Variants in DPYSL2 observed in about 807,000 individuals in gnomAD.
The protein encoded by DPYSL2 is dihydropyrimidinase like 2.
DPYSL2 carries 13 observed loss-of-function variants against 69.9 expected under a neutral mutation model. The ratio of observed to expected loss-of-function variants is 0.19; its 90% confidence interval spans 0.12 to 0.30. The LOEUF is 0.30. Ranked by LOEUF, DPYSL2 falls within the 10% of genes least tolerant of loss-of-function variation. The pLI is 1.00. For synonymous variants in DPYSL2, 326 were observed against 359.1 expected (o/e 0.91, Z 1.04); for missense variants, 587 against 918.9 (o/e 0.64, Z 4.67).
chr8:26,642,207 G>A lies in DPYSL2; in HGVS notation c.1127-1232G>A, dbSNP rs1803066305. Among the ~76,000 whole-genome samples the A allele has an allele frequency of 6.6e-6, 1 of 152,182 alleles. No homozygotes were observed. Among genetic ancestry groups the A allele is most frequent in the Non-Finnish European group, 1.5e-5 (1 of 68,032 alleles). On this transcript the variant is annotated intron_variant, in intron 8 of 13. Coordinates refer to ENST00000521913, the MANE Select transcript of DPYSL2 (RefSeq NM_001197293.3). The surrounding 1 kb of genome is among the most constrained non-coding windows in gnomAD (Gnocchi z 5.3). ...TTGGAGTGCCTACTATGTGCAGGCA[G>A]GTAAATGATCTTCAAGGTGTCTCCA...
chr8:26,579,660 C>G (rs548031299), intron 1 of DPYSL2, among the ~76,000 whole-genome samples: 1 of 152,044 alleles, frequency 6.6e-6, no homozygotes, highest in South Asian at 2.1e-4. Context: ...GGCGTGTGCT[C>G]GGAGGATTTT....
chr8:26,584,562 G>A (rs1163616812), intron 3 of DPYSL2, among the ~76,000 whole-genome samples: 1 of 151,102 alleles, frequency 6.6e-6, no homozygotes, highest in African/African-American at 2.4e-5. Flanking sequence ...TATGAAAATT[G>A]CTGACACCCA....
Position 26,514,565 on chromosome 8 carries a change from G to T in DPYSL2, c.240G>T (p.Pro80=). 2.6e-6 allele frequency: 4 copies of T among 1,527,232 alleles called. No individual in the cohort carries two copies. Among genetic ancestry groups the T allele is most frequent in the Non-Finnish European group, 3.5e-6 (4 of 1,142,672 alleles). 94.6% of individuals were successfully genotyped at this position (1,527,232 alleles called of 1,614,324 possible). ...CCCACTTGGGCCCGGACCCGCAGCC[G>T]CCGTACTCGCGGCAGGGCCGGCGCG... ...DVAHLGPDPQ[P]PYSRQGRRAG... Residue 80 remains proline, a synonymous_variant, in exon 1 of 14, where the codon CCG becomes CCT. Transcript: ENST00000521913. The surrounding 1 kb of genome is among the most constrained non-coding windows in gnomAD (Gnocchi z 8.4).
intron 8 of DPYSL2, among the ~76,000 whole-genome samples, chr8:26,639,053 A>G (rs1228839893): frequency 6.6e-6 from 1 of 152,146 alleles, no homozygotes; most frequent in Non-Finnish European, 1.5e-5. Flanking sequence ...AACATTCAGG[A>G]CATTAAACCC....
chr8:26,616,674 C>T (rs190498940), intron 3 of DPYSL2, among the ~76,000 whole-genome samples: 142 of 152,330 alleles, frequency 9.3e-4, no homozygotes, highest in Non-Finnish European at 1.8e-3. Flanking sequence ...CCCCTCCTTG[C>T]TTCAAGGGGC....
chr8:26,549,795 T>C (rs1024710732), intron 1 of DPYSL2, among the ~76,000 whole-genome samples: 4 of 152,282 alleles, frequency 2.6e-5, no homozygotes, highest in African/African-American at 9.6e-5. Flanking sequence ...AAAACACCAA[T>C]GTAGAATTTT....
At chr8:26,592,298 G>T (rs534162132) in intron 3 of DPYSL2, among the ~76,000 whole-genome samples, 1 of 152,180 alleles carries the variant, frequency 6.6e-6, no homozygotes, top group South Asian at 2.1e-4. Context: ...GACTGTAGGT[G>T]TGCACCACTA....
intron 1 of DPYSL2, among the ~76,000 whole-genome samples, chr8:26,559,583 T>A (rs1801041774): frequency 6.6e-6 from 1 of 152,194 alleles, no homozygotes; most frequent in African/African-American, 2.4e-5. Flanking sequence ...ATTTAATTTC[T>A]TTTTTTATGA....
intron 8 of DPYSL2, among the ~76,000 whole-genome samples, chr8:26,638,626 G>T (rs1802971497): frequency 1.3e-5 from 2 of 152,336 alleles, no homozygotes; most frequent in Non-Finnish European, 1.5e-5. Flanking sequence ...GGGGAGTGGT[G>T]TGTCATCAAC....
At chr8:26,522,772 A>G (rs1391821173) in intron 1 of DPYSL2, among the ~76,000 whole-genome samples, 1 of 152,196 alleles carries the variant, frequency 6.6e-6, no homozygotes, top group African/African-American at 2.4e-5. Context: ...TATAGTTTGC[A>G]GATATTTTCT....
At chr8:26,554,327 GA>G (rs1800911750) in intron 1 of DPYSL2, among the ~76,000 whole-genome samples, 1 of 150,510 alleles carries the variant, frequency 6.6e-6, no homozygotes, top group Admixed American at 6.6e-5. Flanking sequence ...GTCTTCTTTT[GA>G]AAAGTGTCTG....
chr8:26,554,074 G>A (rs1275611115), intron 1 of DPYSL2, among the ~76,000 whole-genome samples: 2 of 151,876 alleles, frequency 1.3e-5, no homozygotes, highest in Non-Finnish European at 1.5e-5. Context: ...ATTTTTAGTA[G>A]GGATGGGGTT....
intron 10 of DPYSL2, among the ~76,000 whole-genome samples, chr8:26,646,421 G>A (rs1377120894): frequency 6.6e-6 from 1 of 152,132 alleles, no homozygotes; most frequent in African/African-American, 2.4e-5. Context: ...TACCACCTGG[G>A]TGTCATCAGC....
At chr8:26,655,559 A>T in intron 13 of DPYSL2, 56 bp from the exon 14 acceptor site, 2 of 1,445,494 alleles carry the variant, frequency 1.4e-6, no homozygotes, top group Admixed American at 2.0e-5. Context: ...TTCAAGCAGG[A>T]TCTTGTGTGA....
At position 26,534,549 on chromosome 8, in the gene DPYSL2, G is replaced by T. The variant is rs546259291; in HGVS notation, c.354+19870G>T. The stretch of plus-strand genomic sequence containing the variant: ...AACAGCTGTGTGGCTGTGTGGCCTT[G>T]GTCAACTTACTTATTTTTTCTATGT... On this transcript the variant is annotated intron_variant, in intron 1 of 13. Transcript: ENST00000521913. Among the ~76,000 whole-genome samples the T allele has an allele frequency of 7.2e-5, 11 of 152,102 alleles. No individual in the cohort carries two copies. In the East Asian group the frequency reaches 1.9e-3, roughly 27 times the overall value.
Position 26,605,454 on chromosome 8 carries a change from C to T in DPYSL2, c.629-18689C>T, listed in dbSNP as rs900552337. On this transcript the variant is annotated intron_variant, in intron 3 of 13. Coordinates refer to ENST00000521913, the MANE Select transcript of DPYSL2 (RefSeq NM_001197293.3). This position sits in a 1 kb window ranked among gnomAD's most constrained non-coding sequence, Gnocchi z 4.1. ...TACATGCACCCACTACCACACCCAG[C>T]TAATTTTTATATTTTTAGTAGAGAT... 6.6e-6 allele frequency among the ~76,000 whole-genome samples: 1 copy of T among 151,808 alleles called. No individual in the cohort carries two copies. The highest frequency in any genetic ancestry group is 1.5e-5 in the Non-Finnish European group (1 of 67,964).
At chr8:26,608,879 GA>G (rs1326031656) in intron 3 of DPYSL2, among the ~76,000 whole-genome samples, 1 of 152,192 alleles carries the variant, frequency 6.6e-6, no homozygotes, top group Non-Finnish European at 1.5e-5. Flanking sequence ...TGACATCACC[GA>G]CTTTTCCTTC....
intron 3 of DPYSL2, among the ~76,000 whole-genome samples, chr8:26,601,519 A>G (rs527937565): frequency 6.6e-6 from 1 of 152,134 alleles, no homozygotes; most frequent in Non-Finnish European, 1.5e-5. Flanking sequence ...CTGGGACTAC[A>G]GGTGCCCGCC....
At chr8:26,637,240 G>A (rs920249735) in intron 8 of DPYSL2, among the ~76,000 whole-genome samples, 1 of 152,218 alleles carries the variant, frequency 6.6e-6, no homozygotes, top group African/African-American at 2.4e-5. Flanking sequence ...AACCTGAGCT[G>A]CCAGAAAGGA....
Sources: allele counts gnomAD v4.1 joint callset (sites outside exome capture counted in the v4.1 genomes callset), GRCh38; gene constraint gnomAD v4.1.1; non-coding constraint Gnocchi (gnomAD v3.1); transcripts MANE v1.5; gene names NCBI Gene and HGNC (gene_info 2026-07-23, HGNC 2026-07-21).